The following FREM2 variants were observed in gnomAD, a reference collection of about 807,000 sequenced individuals.
The protein encoded by FREM2 is FRAS1-related extracellular matrix protein 2.
A neutral mutation model predicts 219.9 loss-of-function variants in FREM2; 119 were observed. The ratio of observed to expected loss-of-function variants is 0.54; its 90% CI spans 0.47 to 0.63. The LOEUF is 0.63. FREM2 is among the 30% of genes least tolerant of loss of function. The probability of loss-of-function intolerance (pLI) is 0.00; values close to 1 mark genes in which losing one functional copy is unlikely to be tolerated. For missense variants in FREM2, 4,030 were observed against 3,993.6 expected, an observed-to-expected ratio of 1.01 and a Z score of -0.25; for synonymous variants, 1,562 against 1,522.8, an observed-to-expected ratio of 1.03 and a Z score of -0.60.
chr13:38,801,602 A>G (rs4293245), intron 6 of FREM2, among the ~76,000 whole-genome samples: 151,913 of 152,246 alleles, frequency 1, 75,793 homozygotes, highest in Middle Eastern at 1. Flanking sequence ...ACTGTAAATA[A>G]CATCCATGGT....
chr13:38,751,091 C>T (rs545512276), intron 2 of FREM2, among the ~76,000 whole-genome samples: 32 of 152,020 alleles, frequency 2.1e-4, no homozygotes, highest in South Asian at 2.1e-4. Context: ...TTGTAAATAA[C>T]GCTACAGTGA....
intron 2 of FREM2, among the ~76,000 whole-genome samples, chr13:38,720,378 A>C (rs764336812): frequency 5.3e-4 from 81 of 152,216 alleles, no homozygotes; most frequent in Non-Finnish European, 9.0e-4. Flanking sequence ...ACACATTTTT[A>C]CTGACTTCAT....
intron 2 of FREM2, among the ~76,000 whole-genome samples, chr13:38,719,208 A>G (rs937234958): frequency 2.0e-5 from 3 of 152,114 alleles, no homozygotes; most frequent in Non-Finnish European, 2.9e-5. Context: ...CTTCAAAGCC[A>G]GCAGCGTATC....
intron 6 of FREM2, among the ~76,000 whole-genome samples, chr13:38,808,402 G>T (rs890631475): frequency 6.6e-6 from 1 of 151,918 alleles, no homozygotes; most frequent in East Asian, 2.0e-4. Flanking sequence ...TTGGATAACT[G>T]TTGGGCACAA....
At chr13:38,736,162 T>C (rs1871985875) in intron 2 of FREM2, among the ~76,000 whole-genome samples, 1 of 152,204 alleles carries the variant, frequency 6.6e-6, no homozygotes. Flanking sequence ...CACTTAATGA[T>C]ACAAGGTATC....
Position 38,690,347 on chromosome 13 carries a change from A to G in FREM2, c.3003A>G (p.Ala1001=). ...AAATCTTGGTCAATGGCATTCCAGC[A>G]GAGCAGTTTACTCAAAGGGACATCT... ...YGEILVNGIP[A]EQFTQRDILE... Residue 1001 remains alanine, a synonymous_variant, in exon 1 of 24, where the codon GCA becomes GCG. Transcript: ENST00000280481. 1 of 1,614,238 alleles carries G rather than the reference A, an allele frequency of 6.2e-7. No individual in the cohort carries two copies. The highest frequency in any genetic ancestry group is 8.5e-7 in the Non-Finnish European group (1 of 1,180,042).
rs536616821 is a variant in FREM2 at position 38,794,230 on chromosome 13, A to T, written c.6019+9422A>T. The stretch of plus-strand genomic sequence containing the variant: ...CATTTAAAGGAAAGGAATAGATTTC[A>T]TGAATGCTAAACAGAAGATGACAAA... On this transcript the variant is annotated intron_variant, in intron 6 of 23. Transcript: ENST00000280481. 3.3e-5 allele frequency among the ~76,000 whole-genome samples: 5 copies of T among 152,216 alleles called. No individual in the cohort carries two copies. The East Asian group carries it at 9.6e-4, about 29-fold the overall frequency.
Position 38,859,324 on chromosome 13 carries a change from G to A in FREM2, c.7253G>A (p.Gly2418Asp). The A allele has an allele frequency of 6.2e-7, 1 of 1,614,170 alleles. No homozygotes were observed. The highest frequency in any genetic ancestry group is 8.5e-7 in the Non-Finnish European group (1 of 1,180,016). Residue 2418 changes from glycine to aspartate, a missense_variant, in exon 14 of 24, where the codon GGC becomes GAC. Gly to Asp is a moderately conservative substitution (Grantham distance 94). Around this residue, in one of 2 missense-constraint regions of FREM2, gnomAD observed 928 missense variants for 1,042.9 expected, o/e 0.89. Coordinates refer to ENST00000280481, the MANE Select transcript of FREM2 (RefSeq NM_207361.6). ...NPKYSDYDKT[G>D]SICASENIND... is the part of the protein sequence containing the mutation. Reference sequence around the variant, plus strand: ...AAATATTCAGACTACGATAAAACAGGCTCTATCTGTGCAAGTGAGAACATC... The same window carrying A: ...AAATATTCAGACTACGATAAAACAGACTCTATCTGTGCAAGTGAGAACATC...
chr13:38,817,490 T>C (rs533460544), intron 6 of FREM2, among the ~76,000 whole-genome samples: 1 of 152,050 alleles, frequency 6.6e-6, no homozygotes, highest in African/African-American at 2.4e-5. Context: ...ATAAATGGTA[T>C]TGGGAAAATT....
chr13:38,787,675 GT>G (rs1181936661), intron 6 of FREM2, among the ~76,000 whole-genome samples: 1 of 151,344 alleles, frequency 6.6e-6, no homozygotes, highest in Non-Finnish European at 1.5e-5. Flanking sequence ...AAAGATTAAA[GT>G]TATTTCCTAA....
intron 16 of FREM2, 126 bp from the exon 17 acceptor site, chr13:38,872,616 T>C: frequency 1.3e-6 from 1 of 772,620 alleles, no homozygotes; most frequent in Non-Finnish European, 2.2e-6. Context: ...TAAAATGCTG[T>C]CATTTCCTCT....
chr13:38,777,189 T>A (rs1873908048), intron 4 of FREM2, among the ~76,000 whole-genome samples: 1 of 152,168 alleles, frequency 6.6e-6, no homozygotes, highest in Non-Finnish European at 1.5e-5. Flanking sequence ...TATATATAAT[T>A]TCTATGAAAA....
At chr13:38,831,939 C>G (rs1379313426) in intron 6 of FREM2, among the ~76,000 whole-genome samples, 1 of 151,894 alleles carries the variant, frequency 6.6e-6, no homozygotes, top group South Asian at 2.1e-4. Flanking sequence ...AATTTTTCAA[C>G]AATAATTTTG....
chr13:38,735,272 A>G (rs1422385891), intron 2 of FREM2, among the ~76,000 whole-genome samples: 1 of 152,214 alleles, frequency 6.6e-6, no homozygotes, highest in Non-Finnish European at 1.5e-5. Flanking sequence ...TATTAAAATC[A>G]TCCCGTTTAT....
rs1169481064 is a variant in FREM2 at position 38,690,845 on chromosome 13, T to C, written c.3501T>C (p.Cys1167=). 3 of 1,614,216 alleles carry C rather than the reference T, an allele frequency of 1.9e-6. No individual in the cohort carries two copies. Among genetic ancestry groups the C allele is most frequent in the Admixed American group, 1.7e-5 (1 of 60,030 alleles). Residue 1167 remains cysteine (C), a synonymous_variant, in exon 1 of 24, where the codon TGT becomes TGC. Coordinates refer to ENST00000280481, the MANE Select transcript of FREM2 (RefSeq NM_207361.6). ...EPVEDRFVFR[C]SDGINFSERQ... is the part of the protein sequence containing the mutation. ...TGGAGGACCGATTTGTATTTCGTTG[T>C]TCTGATGGCATTAACTTTTCAGAGA...
chr13:38,881,071 T>C lies in FREM2; in HGVS notation c.*284T>C. Reference sequence around the variant, plus strand: ...TGTACTCCTCATTTTAGACATATTCTCTATGCAGTGGAGATAAATCTATTA... The same window carrying C: ...TGTACTCCTCATTTTAGACATATTCCCTATGCAGTGGAGATAAATCTATTA... On this transcript the variant is annotated 3_prime_UTR_variant, in exon 24 of 24. Transcript: ENST00000280481. 2.1e-6 allele frequency: 1 copy of C among 487,132 alleles called. No homozygotes were observed. The highest frequency in any genetic ancestry group is 3.8e-6 in the Non-Finnish European group (1 of 265,632). The allele number at this position is 487,132 out of a possible 1,614,324, so 30.2% of individuals were successfully genotyped here.
intron 16 of FREM2, among the ~76,000 whole-genome samples, chr13:38,868,629 G>A (rs1339843808): frequency 2.6e-5 from 4 of 152,190 alleles, no homozygotes; most frequent in Admixed American, 1.3e-4. Context: ...ATGAAAATAC[G>A]TGCCAGATAA....
rs114301287 is a variant in FREM2, at chr13:38,690,734, G to A, written c.3390G>A (p.Gly1130=). Residue 1130 remains glycine, a synonymous_variant, in exon 1 of 24, where the codon GGG becomes GGA. Transcript: ENST00000280481. ...CAGGCTCTGAGAAATCAAGAGCAGGGATTGCCATAAGTGCTTTCAACTTGA... is the reference window on the plus strand; with the variant it reads ...CAGGCTCTGAGAAATCAAGAGCAGGAATTGCCATAAGTGCTTTCAACTTGA... ...PAPGSEKSRA[G]IAISAFNLKD... The A allele has an allele frequency of 6.2e-7, 1 of 1,614,068 alleles. No homozygotes were observed. The highest frequency in any genetic ancestry group is 2.2e-5 in the East Asian group (1 of 44,876).
At chr13:38,715,853 T>G (rs1320200885) in intron 2 of FREM2, among the ~76,000 whole-genome samples, 1 of 151,922 alleles carries the variant, frequency 6.6e-6, no homozygotes, top group African/African-American at 2.4e-5. Flanking sequence ...CCTTTTTTTG[T>G]GAAAGGAAAT....
Sources: gnomAD v4.1 joint callset for allele counts (sites outside exome capture counted in the v4.1 genomes callset) on GRCh38, gnomAD v4.1.1 for gene constraint, gnomAD v4.1.1 regional missense constraint, MANE v1.5 for transcripts, NCBI Gene and HGNC (gene_info 2026-07-23, HGNC 2026-07-21) for gene names.